Variants in MBD5 observed in about 807,000 individuals in gnomAD.
The protein encoded by MBD5 is methyl-CpG-binding domain protein 5.
In MBD5, 13 loss-of-function variants were observed where a neutral mutation model predicts 117.3. The observed-to-expected ratio is 0.11, with a 90% CI of 0.07 to 0.18. The LOEUF (loss-of-function observed/expected upper bound fraction) is 0.18. Among genes scored for constraint, MBD5 ranks in the 10% least tolerant of loss-of-function variants. The pLI, the probability that MBD5 is intolerant of heterozygous loss-of-function variation, is 1.00. For synonymous variants in MBD5, 727 were observed against 766.4 expected (o/e 0.95, Z 0.85); for missense variants, 1,879 against 2,093.8 (o/e 0.90, Z 2.00).
intron 3 of MBD5, among the ~76,000 whole-genome samples, chr2:148,326,670 T>C (rs1451082398): frequency 6.6e-6 from 1 of 151,798 alleles, no homozygotes; most frequent in Non-Finnish European, 1.5e-5. Context: ...CCTGCCTTTT[T>C]TTGTTTTCCA....
intron 1 of MBD5, among the ~76,000 whole-genome samples, chr2:148,141,063 C>T (rs145154242): frequency 3.9e-5 from 6 of 152,232 alleles, no homozygotes; most frequent in East Asian, 1.9e-4. Flanking sequence ...TCAGGCACCG[C>T]GCCCAGCTGG....
chr2:148,252,047 G>A (rs1388028664), intron 3 of MBD5, among the ~76,000 whole-genome samples: 1 of 152,150 alleles, frequency 6.6e-6, no homozygotes, highest in Non-Finnish European at 1.5e-5. Flanking sequence ...ATTGTTGGCT[G>A]CCACAGTGAT....
chr2:148,385,900 A>T (rs1704341459), intron 4 of MBD5, among the ~76,000 whole-genome samples: 1 of 148,002 alleles, frequency 6.8e-6, no homozygotes, highest in Non-Finnish European at 1.5e-5. Flanking sequence ...CATAGGTGGG[A>T]ATTGAACAAT....
chr2:148,451,669 T>A (rs1179362618), intron 4 of MBD5, among the ~76,000 whole-genome samples: 1 of 152,212 alleles, frequency 6.6e-6, no homozygotes, highest in Non-Finnish European at 1.5e-5. Flanking sequence ...CTATTATTTT[T>A]AATCCAATCA....
intron 1 of MBD5, among the ~76,000 whole-genome samples, chr2:148,155,037 T>C (rs554595513): frequency 6.6e-6 from 1 of 152,276 alleles, no homozygotes; most frequent in South Asian, 2.1e-4. Context: ...AAACAAATAT[T>C]TACCTCTCCA....
chr2:148,419,583 T>G (rs1705533874), intron 4 of MBD5, among the ~76,000 whole-genome samples: 1 of 152,154 alleles, frequency 6.6e-6, no homozygotes, highest in Non-Finnish European at 1.5e-5. Flanking sequence ...TAACTAAATC[T>G]GTATATTATG....
chr2:148,258,893 G>T (rs1189443369), intron 3 of MBD5, among the ~76,000 whole-genome samples: 1 of 152,118 alleles, frequency 6.6e-6, no homozygotes, highest in Non-Finnish European at 1.5e-5. Flanking sequence ...GTGGCCTTCT[G>T]CTTCCCTGAG....
At chr2:148,195,496 A>G (rs951357595) in intron 2 of MBD5, among the ~76,000 whole-genome samples, 1 of 152,194 alleles carries the variant, frequency 6.6e-6, no homozygotes, top group Non-Finnish European at 1.5e-5. Context: ...GGTTATAACA[A>G]GTAAACAGAA....
chr2:148,171,741 TA>T (rs1429642770), intron 1 of MBD5, among the ~76,000 whole-genome samples: 1 of 152,180 alleles, frequency 6.6e-6, no homozygotes, highest in African/African-American at 2.4e-5. Flanking sequence ...ACCAAAAAAC[TA>T]TTAGAATAAA....
At chr2:148,128,433 C>T (rs544422463) in intron 1 of MBD5, among the ~76,000 whole-genome samples, 193 of 152,254 alleles carry the variant, frequency 1.3e-3, no homozygotes, top group African/African-American at 4.4e-3. Context: ...CAATGACAAA[C>T]AGTTGTCCAA....
At chr2:148,278,621 A>T (rs1380981732) in intron 3 of MBD5, among the ~76,000 whole-genome samples, 2 of 152,090 alleles carry the variant, frequency 1.3e-5, no homozygotes, top group African/African-American at 2.4e-5. Flanking sequence ...TCTATTTTTT[A>T]AAATTTATTT....
rs1437396293 is a variant in MBD5, at chr2:148,445,753, A to G, written c.-556-12450A>G. Among the ~76,000 whole-genome samples, 5 of 151,352 alleles carry G rather than the reference A, an allele frequency of 3.3e-5. 2 individuals are homozygous for G. The highest frequency in any genetic ancestry group is 1.2e-4 in the African/African-American group (5 of 40,692). ...GTTGAACTAGTTTACAGTCCCACCA[A>G]CAGTGTAAAAGTGTTCCTATTTCTC... On this transcript the variant is annotated intron_variant, in intron 4 of 13. Coordinates refer to ENST00000642680, the MANE Select transcript of MBD5 (RefSeq NM_001378120.1).
chr2:148,130,173 A>G (rs1018019321), intron 1 of MBD5, among the ~76,000 whole-genome samples: 1 of 152,246 alleles, frequency 6.6e-6, no homozygotes, highest in Non-Finnish European at 1.5e-5. Context: ...GAAGACTATA[A>G]CTATCATCAT....
At chr2:148,084,150 T>A (rs1157757988) in intron 1 of MBD5, among the ~76,000 whole-genome samples, 1 of 152,200 alleles carries the variant, frequency 6.6e-6, no homozygotes, top group Admixed American at 6.5e-5. Flanking sequence ...ACTTATTGCA[T>A]TTAAAGTCAA....
chr2:148,265,752 T>C (rs1700841609), intron 3 of MBD5, among the ~76,000 whole-genome samples: 2 of 152,154 alleles, frequency 1.3e-5, no homozygotes, highest in East Asian at 3.9e-4. Context: ...GCAAATTTGA[T>C]AGATGAAAAG....
intron 4 of MBD5, among the ~76,000 whole-genome samples, chr2:148,439,622 T>C (rs1035671116): frequency 6.6e-6 from 1 of 152,134 alleles, no homozygotes. Context: ...TTTGTAATAG[T>C]GTATTTGTGG....
intron 3 of MBD5, among the ~76,000 whole-genome samples, chr2:148,286,532 T>C (rs1183752821): frequency 6.6e-6 from 1 of 152,222 alleles, no homozygotes; most frequent in Non-Finnish European, 1.5e-5. Flanking sequence ...TTAAAATCTA[T>C]CATTTTATAA....
chr2:148,183,532 A>G (rs980680476), intron 2 of MBD5, among the ~76,000 whole-genome samples: 1 of 151,678 alleles, frequency 6.6e-6, no homozygotes, highest in Non-Finnish European at 1.5e-5. Flanking sequence ...TAAAAAAAAA[A>G]TTGGATGTAT....
chr2:148,382,219 G>A (rs1225867130), intron 4 of MBD5, among the ~76,000 whole-genome samples: 4 of 151,452 alleles, frequency 2.6e-5, no homozygotes, highest in Non-Finnish European at 4.4e-5. Context: ...CATCTCACGT[G>A]CAGAGACACA....
Sources: gnomAD v4.1 joint callset for allele counts (sites outside exome capture counted in the v4.1 genomes callset) on GRCh38, gnomAD v4.1.1 for gene constraint, MANE v1.5 for transcripts, NCBI Gene and HGNC (gene_info 2026-07-23, HGNC 2026-07-21) for gene names.